PRKCB: variants seen among roughly 807,000 people sequenced by gnomAD.
PRKCB encodes protein kinase C beta, also known as protein kinase C beta type.
A neutral mutation model predicts 81.5 loss-of-function variants in PRKCB; 13 were observed. The ratio of observed to expected loss-of-function variants is 0.16; its 90% CI spans 0.10 to 0.25. The LOEUF is 0.25. PRKCB is among the 10% of genes least tolerant of loss of function. PRKCB has a pLI of 1.00. For missense variants in PRKCB, 509 were observed against 875.7 expected (o/e 0.58, Z 5.29); for synonymous variants, 335 against 321.4 (o/e 1.04, Z -0.45).
intron 2 of PRKCB, among the ~76,000 whole-genome samples, chr16:23,877,981 G>A (rs1963044329): frequency 6.6e-6 from 1 of 152,032 alleles, no homozygotes; most frequent in African/African-American, 2.4e-5. Context: ...CTACAGGCAT[G>A]CACCACCACT....
intron 2 of PRKCB, among the ~76,000 whole-genome samples, chr16:23,945,722 TA>T (rs1392440570): frequency 6.4e-5 from 7 of 109,556 alleles, no homozygotes; most frequent in Non-Finnish European, 9.9e-5. Context: ...GGCTCTCTGG[TA>T]AAAAAGAAAA....
chr16:23,900,241 A>G (rs1963449052), intron 2 of PRKCB, among the ~76,000 whole-genome samples: 1 of 152,198 alleles, frequency 6.6e-6, no homozygotes, highest in African/African-American at 2.4e-5. Flanking sequence ...CTAACTGCTT[A>G]TGACATACCA....
intron 2 of PRKCB, among the ~76,000 whole-genome samples, chr16:23,968,443 C>A (rs1454003113): frequency 2.0e-5 from 3 of 152,270 alleles, no homozygotes; most frequent in Non-Finnish European, 4.4e-5. Flanking sequence ...CTATTGAGAG[C>A]TGGGGCTAAG....
intron 16 of PRKCB, among the ~76,000 whole-genome samples, chr16:24,198,098 G>A (rs1244496755): frequency 2.0e-5 from 3 of 152,196 alleles, no homozygotes; most frequent in Non-Finnish European, 4.4e-5. Flanking sequence ...GTGTCTGGGT[G>A]ATCCAGCTCA....
At chr16:23,991,649 G>T (rs1247623948) in intron 3 of PRKCB, among the ~76,000 whole-genome samples, 1 of 152,218 alleles carries the variant, frequency 6.6e-6, no homozygotes. Flanking sequence ...TTGGCTTCAA[G>T]CACAGTGAAT....
chr16:23,848,036 T>G (rs1597207775), intron 2 of PRKCB, among the ~76,000 whole-genome samples: 1 of 151,198 alleles, frequency 6.6e-6, no homozygotes, highest in Admixed American at 6.6e-5. Context: ...CAGGGGAGGG[T>G]GTTTCAGGCA....
intron 5 of PRKCB, among the ~76,000 whole-genome samples, chr16:24,072,588 C>CTTTTTTTTTTTT (rs1200526403): frequency 1.4e-5 from 2 of 143,840 alleles, no homozygotes; most frequent in African/African-American, 5.2e-5. Context: ...CTCTCTCTCT[C>CTTTTTTTTTTTT]TTTTTTTTTT....
rs542083025 is a variant in PRKCB, at chr16:24,086,206, G to A, written c.530-6585G>A. 3.9e-5 allele frequency among the ~76,000 whole-genome samples: 6 copies of A among 152,246 alleles called. No individual in the cohort carries two copies. In the East Asian group the frequency reaches 7.7e-4, roughly 20 times the overall value. ...AAGAAGTAATAAGTAAACAGGAATC[G>A]ATGGGACACAAATCTAGATTGTAGA... On this transcript the variant is annotated intron_variant, in intron 5 of 16. Coordinates refer to ENST00000643927, the MANE Select transcript of PRKCB (RefSeq NM_002738.7).
At chr16:24,014,999 C>T (rs1261560564) in intron 3 of PRKCB, among the ~76,000 whole-genome samples, 1 of 152,162 alleles carries the variant, frequency 6.6e-6, no homozygotes, top group African/African-American at 2.4e-5. Context: ...TGGGGTTTTA[C>T]CATGTTGGCC....
chr16:23,998,789 G>C (rs1442560361), intron 3 of PRKCB, among the ~76,000 whole-genome samples: 2 of 152,262 alleles, frequency 1.3e-5, no homozygotes, highest in East Asian at 3.9e-4. Context: ...TGTCTTGTCA[G>C]ACAGACCAGG....
At chr16:23,965,367 A>G (rs964382503) in intron 2 of PRKCB, among the ~76,000 whole-genome samples, 2 of 152,124 alleles carry the variant, frequency 1.3e-5, no homozygotes, top group Admixed American at 6.5e-5. Flanking sequence ...GTGTTTATAT[A>G]CCACATTTTC....
chr16:24,068,477 G>GAA (rs530701855), intron 5 of PRKCB, among the ~76,000 whole-genome samples: 1,954 of 116,168 alleles, frequency 0.017, 51 homozygotes, highest in African/African-American at 0.054. Flanking sequence ...TGGCCCAAAG[G>GAA]AAAAAAAAAA....
intron 11 of PRKCB, among the ~76,000 whole-genome samples, 155 bp downstream of exon 11, chr16:24,172,516 T>C (rs1967458730): frequency 1.3e-5 from 2 of 152,074 alleles, no homozygotes; most frequent in African/African-American, 4.8e-5. Flanking sequence ...TTCTGCTTAA[T>C]ATGAGATACT....
rs1277032085 is a variant in PRKCB at position 24,035,522 on chromosome 16, C to CA, written c.504_505insA (p.Asp169ArgfsTer13). On this transcript the variant is annotated frameshift_variant, in exon 5 of 17. Transcript: ENST00000643927. LOFTEE classifies it high-confidence loss of function. ...GCCGCATCTACATCCAGGCCCACAT[C>CA]GACAGGGACGTCCTCATTGTCCTCG... The CA allele has an allele frequency of 6.2e-7, 1 of 1,613,934 alleles. No individual in the cohort carries two copies. The highest frequency in any genetic ancestry group is 8.5e-7 in the Non-Finnish European group (1 of 1,179,992).
intron 2 of PRKCB, among the ~76,000 whole-genome samples, chr16:23,864,171 C>T (rs1490386126): frequency 4.6e-5 from 7 of 152,136 alleles, no homozygotes; most frequent in East Asian, 1.9e-4. Flanking sequence ...TGGTCCCTTC[C>T]GAAGTAGAGG....
At chr16:24,014,614 A>C (rs1965252312) in intron 3 of PRKCB, among the ~76,000 whole-genome samples, 1 of 152,202 alleles carries the variant, frequency 6.6e-6, no homozygotes, top group Admixed American at 6.5e-5. Flanking sequence ...CACTGTGCCA[A>C]GCTAAGCATC....
chr16:23,888,437 C>A (rs1246010330), intron 2 of PRKCB, among the ~76,000 whole-genome samples: 1 of 152,194 alleles, frequency 6.6e-6, no homozygotes. Flanking sequence ...GAGCAGACTG[C>A]TGGAGGAGAA....
At chr16:24,031,648 G>T (rs1355494908) in intron 3 of PRKCB, among the ~76,000 whole-genome samples, 1 of 152,214 alleles carries the variant, frequency 6.6e-6, no homozygotes, top group East Asian at 1.9e-4. Context: ...ACTGGGCTTT[G>T]AACTTTATTC....
chr16:23,860,411 C>G (rs1962646732), intron 2 of PRKCB, among the ~76,000 whole-genome samples: 1 of 151,972 alleles, frequency 6.6e-6, no homozygotes, highest in Non-Finnish European at 1.5e-5. Context: ...TGTGCCATAT[C>G]CGGGTGTAGG....
Sources: allele counts gnomAD v4.1 joint callset (sites outside exome capture counted in the v4.1 genomes callset), GRCh38; gene constraint gnomAD v4.1.1; transcripts MANE v1.5; gene names NCBI Gene and HGNC (gene_info 2026-07-23, HGNC 2026-07-21).